DNAH6: variants seen among roughly 807,000 people sequenced by gnomAD.
DNAH6 encodes axonemal beta dynein heavy chain 6.
In DNAH6, 340 loss-of-function variants were observed where a neutral mutation model predicts 491.4. That is an observed-to-expected ratio of 0.69 (90% CI 0.63 to 0.76). The LOEUF (loss-of-function observed/expected upper bound fraction) is 0.76. Among genes scored for constraint, DNAH6 ranks in the 30% least tolerant of loss-of-function variants. The pLI is 0.00. For missense variants in DNAH6, 4,443 were observed against 4,972.2 expected, an observed-to-expected ratio of 0.89 and a Z score of 3.20; for synonymous variants, 1,603 against 1,686.1, an observed-to-expected ratio of 0.95 and a Z score of 1.21.
Position 84,727,701 on chromosome 2 carries a change from G to C in DNAH6, c.10005G>C (p.Lys3335Asn). 1.3e-6 allele frequency: 2 copies of C among 1,550,884 alleles called. No individual in the cohort carries two copies. Among genetic ancestry groups the C allele is most frequent in the Non-Finnish European group, 1.7e-6 (2 of 1,146,272 alleles). Residue 3335 changes from lysine (K) to asparagine (N), a missense_variant, in exon 61 of 77, where the codon AAG becomes AAC. By Grantham distance (94) the Lys-to-Asn change is moderately conservative (BLOSUM62 0). Around this residue, in one of 3 missense-constraint regions of DNAH6, gnomAD observed 1,463 missense variants for 1,656.6 expected, o/e 0.88. Transcript: ENST00000389394. ...ATACCACCATTGAAACTTCTGTAAA[G>C]ACAGAAAATCTACAACAGCGCCTGG... ...LFNTTIETSVKTENLQQRLDV... is the reference protein window; with the variant it reads ...LFNTTIETSVNTENLQQRLDV...
chr2:84,648,624 G>C (rs1390656083), intron 33 of DNAH6, among the ~76,000 whole-genome samples: 10 of 152,186 alleles, frequency 6.6e-5, no homozygotes, highest in Admixed American at 6.5e-4. Flanking sequence ...AATAGCAAAA[G>C]AACTAGAATT....
At chr2:84,637,747 G>A (rs1365752373) in intron 31 of DNAH6, among the ~76,000 whole-genome samples, 2 of 152,054 alleles carry the variant, frequency 1.3e-5, no homozygotes, top group African/African-American at 2.4e-5. Context: ...TGGAGTCAAG[G>A]GATGCTAAGT....
chr2:84,496,954 A>T, the DNAH6 span, among the ~76,000 whole-genome samples: 1 of 143,634 alleles, frequency 7.0e-6, no homozygotes, highest in Admixed American at 7.6e-5. Context: ...TATAATTGTA[A>T]TTAGACAATA....
At chr2:84,663,582 A>G (rs902728195) in intron 37 of DNAH6, among the ~76,000 whole-genome samples, 2 of 152,176 alleles carry the variant, frequency 1.3e-5, no homozygotes, top group African/African-American at 4.8e-5. Context: ...AGCCTCCAAG[A>G]TATATGGGAC....
At chr2:84,590,003 T>C (rs1180069248) in intron 16 of DNAH6, among the ~76,000 whole-genome samples, 1 of 152,038 alleles carries the variant, frequency 6.6e-6, no homozygotes, top group Non-Finnish European at 1.5e-5. Flanking sequence ...GAAAGTGATC[T>C]GATATGCTGT....
chr2:84,621,241 T>C lies in DNAH6; in HGVS notation c.3843T>C (p.Leu1281=). The change falls in exon 25 of 77, where the codon CTT becomes CTC. Residue 1281 remains leucine (L), a synonymous_variant. Transcript: ENST00000389394. ...LKARGNVEEW[L]GKVEEAMFTS... ...CCCGAGGCAATGTAGAGGAATGGCT[T>C]GGTAAAGTGGAAGAAGCCATGTTCA... 6.4e-7 allele frequency: 1 copy of C among 1,551,570 alleles called. No homozygotes were observed. The highest frequency in any genetic ancestry group is 8.7e-7 in the Non-Finnish European group (1 of 1,146,898).
intron 33 of DNAH6, among the ~76,000 whole-genome samples, chr2:84,652,972 AT>A (rs1293851870): frequency 2.6e-5 from 4 of 151,860 alleles, no homozygotes; most frequent in East Asian, 1.9e-4. Flanking sequence ...ATATTTTATA[AT>A]TTTTTTAATA....
At chr2:84,795,016 A>C (rs1243687065) in intron 68 of DNAH6, among the ~76,000 whole-genome samples, 2 of 150,248 alleles carry the variant, frequency 1.3e-5, no homozygotes, top group Non-Finnish European at 3.0e-5. Context: ...TGATGAGTTC[A>C]TGTCCTTTGT....
the DNAH6 span, among the ~76,000 whole-genome samples, chr2:84,498,592 C>T: frequency 6.6e-6 from 1 of 152,076 alleles, no homozygotes; most frequent in Non-Finnish European, 1.5e-5. Context: ...AGCCAAAGGC[C>T]TCCTGCTTCT....
chr2:84,722,086 C>T (rs1698215461), intron 59 of DNAH6, among the ~76,000 whole-genome samples: 1 of 152,308 alleles, frequency 6.6e-6, no homozygotes, highest in East Asian at 1.9e-4. Flanking sequence ...TATAATCCTC[C>T]ACAAACAACA....
At chr2:84,740,343 C>T (rs1443863194) in intron 62 of DNAH6, among the ~76,000 whole-genome samples, 1 of 152,214 alleles carries the variant, frequency 6.6e-6, no homozygotes, top group Non-Finnish European at 1.5e-5. Context: ...CTGCAGAGCA[C>T]ATTCACCCTC....
At chr2:84,479,465 G>A in the DNAH6 span, among the ~76,000 whole-genome samples, 1 of 152,138 alleles carries the variant, frequency 6.6e-6, no homozygotes, top group Non-Finnish European at 1.5e-5. Context: ...GATACATTAG[G>A]GCTTTTACCT....
chr2:84,767,932 C>T (rs1455740853), intron 64 of DNAH6, among the ~76,000 whole-genome samples: 1 of 152,062 alleles, frequency 6.6e-6, no homozygotes, highest in African/African-American at 2.4e-5. Flanking sequence ...ACAAATATGC[C>T]ATTGACTGAT....
rs34421243 is a variant in DNAH6 at position 84,688,238 on chromosome 2, C to CA, written c.7138-184dup. On this transcript the variant is annotated intron_variant, in intron 44 of 76. Coordinates refer to ENST00000389394, the MANE Select transcript of DNAH6 (RefSeq NM_001370.2). ...TGGGCAACAGAGAGAGACTCCATCTCAAAAAAAAAAAAAAAAAGTGAAATC... is the reference window on the plus strand; with the variant it reads ...TGGGCAACAGAGAGAGACTCCATCTCAAAAAAAAAAAAAAAAAAGTGAAATC... Among the ~76,000 whole-genome samples the CA allele has an allele frequency of 0.36, 34,104 of 95,420 alleles. 4,999 individuals are homozygous for CA. Among genetic ancestry groups the CA allele is most frequent in the African/African-American group, 0.48 (13,007 of 27,356 alleles). The allele number at this position is 95,420 out of a possible 152,430, so 62.6% of individuals were successfully genotyped here.
At chr2:84,516,873 T>G (rs895923919) in intron 1 of DNAH6, among the ~76,000 whole-genome samples, 1 of 152,194 alleles carries the variant, frequency 6.6e-6, no homozygotes, top group African/African-American at 2.4e-5. Flanking sequence ...TGTGCTCATA[T>G]GTAAAAAGCA....
At chr2:84,667,739 G>A (rs1257101172) in intron 37 of DNAH6, among the ~76,000 whole-genome samples, 1 of 152,050 alleles carries the variant, frequency 6.6e-6, no homozygotes, top group Non-Finnish European at 1.5e-5. Context: ...CCCATTACTG[G>A]GTATATACCC....
chr2:84,595,025 G>T (rs1684443774), intron 17 of DNAH6, among the ~76,000 whole-genome samples: 1 of 152,056 alleles, frequency 6.6e-6, no homozygotes, highest in African/African-American at 2.4e-5. Flanking sequence ...TACCACCATG[G>T]ATTAGAGCAG....
rs1185057893 is a variant in DNAH6, at chr2:84,797,615, C to T, written c.11438C>T (p.Pro3813Leu). 1 of 1,551,356 alleles carries T rather than the reference C, an allele frequency of 6.4e-7. No individual in the cohort carries two copies. The highest frequency in any genetic ancestry group is 8.7e-7 in the Non-Finnish European group (1 of 1,146,780). Residue 3813 changes from proline (P) to leucine (L), a missense_variant, in exon 70 of 77, where the codon CCA becomes CTA. Pro to Leu is a moderately conservative substitution (Grantham distance 98, BLOSUM62 -3). Transcript: ENST00000389394. ...GAAAATCTGCCTTTGATCGATGACC[C>T]AGAAATTTTTGGAATGCATGAAAAT... ...YIENLPLIDD[P>L]EIFGMHENAN...
At chr2:84,648,555 A>G (rs935925868) in intron 33 of DNAH6, among the ~76,000 whole-genome samples, 1 of 152,216 alleles carries the variant, frequency 6.6e-6, no homozygotes, top group African/African-American at 2.4e-5. Flanking sequence ...TCCAACCCTC[A>G]TGGATGATTT....
Sources: gnomAD v4.1 joint callset for allele counts (sites outside exome capture counted in the v4.1 genomes callset) on GRCh38, gnomAD v4.1.1 for gene constraint, gnomAD v4.1.1 regional missense constraint, MANE v1.5 for transcripts, NCBI Gene and HGNC (gene_info 2026-07-23, HGNC 2026-07-21) for gene names.